The following DACT2 variants were observed in gnomAD, a reference collection of about 807,000 sequenced individuals.
The protein encoded by DACT2 is dishevelled binding antagonist of beta catenin 2.
DACT2 carries 20 observed loss-of-function variants against 22.2 expected under a neutral mutation model. The ratio of observed to expected loss-of-function variants is 0.90; its 90% CI spans 0.63 to 1.31. The LOEUF (loss-of-function observed/expected upper bound fraction) is 1.31. DACT2 is among the 50% of genes most tolerant of loss of function. The pLI is 0.00. For missense variants in DACT2, 1,048 were observed against 1,061.4 expected (o/e 0.99, Z 0.18); for synonymous variants, 463 against 479.8 (o/e 0.96, Z 0.46).
chr6:168,318,393 G>GT, intron 1 of DACT2, among the ~76,000 whole-genome samples: 1 of 152,260 alleles, frequency 6.6e-6, no homozygotes, highest in East Asian at 1.9e-4. Context: ...ATCCAGAAGG[G>GT]TTTGCTATGT....
At chr6:168,303,370 C>A (rs1194958979), downstream of DACT2, among the ~76,000 whole-genome samples, 2 of 152,156 alleles carry the variant, frequency 1.3e-5, no homozygotes, top group African/African-American at 4.8e-5. Flanking sequence ...GGGGGCAGAA[C>A]CCTCATGAAT....
intron 3 of DACT2, chr6:168,299,054 G>A (rs954565774): frequency 1.3e-5 from 2 of 152,198 alleles, no homozygotes; most frequent in African/African-American, 2.4e-5. Flanking sequence ...CTCAGAGTTA[G>A]TGAACATGTC....
intron 3 of DACT2, among the ~76,000 whole-genome samples, chr6:168,297,144 T>G (rs894113534): frequency 6.6e-6 from 1 of 152,162 alleles, no homozygotes; most frequent in African/African-American, 2.4e-5. Context: ...CAATACCATG[T>G]TTTGGAAGTG....
chr6:168,303,762 G>A (rs1356656327), downstream of DACT2, among the ~76,000 whole-genome samples: 1 of 151,008 alleles, frequency 6.6e-6, no homozygotes, highest in Non-Finnish European at 1.5e-5. Flanking sequence ...TTATATTCCT[G>A]AATTTGATCA....
At chr6:168,310,479 C>T (rs1779370123) in intron 2 of DACT2, 33 bp from the exon 3 acceptor site, 1 of 1,530,918 alleles carries the variant, frequency 6.5e-7, no homozygotes, top group Non-Finnish European at 8.8e-7. Flanking sequence ...GTCAGTGACC[C>T]CCATCCAGAA....
At position 168,310,168 on chromosome 6, in the gene DACT2, C is replaced by T. The variant is rs1025193145; in HGVS notation, c.658G>A (p.Gly220Ser). 8 of 1,549,342 alleles carry T rather than the reference C, an allele frequency of 5.2e-6. No homozygotes were observed. The South Asian group carries it at 9.5e-5, about 18-fold the overall frequency. The stretch of plus-strand genomic sequence containing the variant: ...CCCACCTTCCCTGGCAGTTTCTTAC[C>T]TGTAGACACAGGCCTGGGCCAGAAT... Reference protein sequence around the residue: ...GTFWPRPVSTGDLDRALPADT... With the variant: ...GTFWPRPVSTSDLDRALPADT... Residue 220 changes from glycine (G) to serine (S), a missense_variant and splice_region_variant, in exon 3 of 4, where the codon GGT (glycine) becomes AGT (serine). Physicochemically the swap from Gly to Ser is moderately conservative, Grantham distance 56 (BLOSUM62 0). Transcript: ENST00000366795.
At chr6:168,294,559 GTATGTGTGTGTGTGTGTGTA>G (rs1778972378) in intron 4 of DACT2, 1 of 657,858 alleles carries the variant, frequency 1.5e-6, no homozygotes, top group Non-Finnish European at 2.0e-6. Context: ...GTGTGTGTGT[GTATGTGTGTGTGTGTGTGTA>G]TATATATATA....
intron 3 of DACT2, among the ~76,000 whole-genome samples, chr6:168,309,624 G>C (rs1042444504): frequency 1.3e-5 from 2 of 152,228 alleles, no homozygotes; most frequent in African/African-American, 4.8e-5. Flanking sequence ...GGAGCCCCAA[G>C]GGAGGCCAGG....
In DACT2 at chr6:168,307,528, G is replaced by A. The variant is rs1395859008; in HGVS notation, c.2229C>T (p.Pro743=). The change falls in exon 4 of 4, where the codon CCC becomes CCT. Residue 743 remains proline (P), a synonymous_variant. Coordinates refer to ENST00000366795, the MANE Select transcript of DACT2 (RefSeq NM_214462.5). The surrounding 1 kb of genome is among the most constrained non-coding windows in gnomAD (Gnocchi z 5.3). ...CCTTAATACGGCACAGCTTGGGCAC[G>A]GGGGACAGGAGTGGCCCCGAGCTGA... ...APVSSGPLLS[P]VPKLCRIKAS... is the part of the protein sequence containing the mutation. The A allele has an allele frequency of 9.7e-6, 15 of 1,551,398 alleles. No individual in the cohort carries two copies. The highest frequency in any genetic ancestry group is 1.7e-4 in the Middle Eastern group (1 of 6,014).
downstream of DACT2, among the ~76,000 whole-genome samples, chr6:168,304,336 G>A (rs1779161785): frequency 6.6e-6 from 1 of 152,238 alleles, no homozygotes; most frequent in Admixed American, 6.5e-5. Flanking sequence ...TCCTCTTTCT[G>A]CGCGCCTGCC....
chr6:168,307,243 C>G lies in DACT2; in HGVS notation c.*189G>C, dbSNP rs1779230413. ...TGAAACCAGAGCTCCGCATGGAAGT[C>G]TTTGCTGGGGCGGGGACTCACGGCC... On this transcript the variant is annotated 3_prime_UTR_variant, in exon 4 of 4. Coordinates refer to ENST00000366795, the MANE Select transcript of DACT2 (RefSeq NM_214462.5). This position sits in a 1 kb window ranked among gnomAD's most constrained non-coding sequence, Gnocchi z 5.3. 1 of 1,416,874 alleles carries G rather than the reference C, an allele frequency of 7.1e-7. No individual in the cohort carries two copies. Among genetic ancestry groups the G allele is most frequent in the African/African-American group, 1.5e-5 (1 of 66,670 alleles). 87.8% of individuals were successfully genotyped at this position (1,416,874 alleles called of 1,614,324 possible).
intron 3 of DACT2, chr6:168,298,337 C>A (rs572493445): frequency 3.3e-5 from 5 of 152,160 alleles, no homozygotes; most frequent in South Asian, 2.1e-4. Flanking sequence ...ATCCATTTGG[C>A]GAGGGCATGA....
In DACT2 at chr6:168,307,854, C is replaced by T. The variant is rs891421097; in HGVS notation, c.1903G>A (p.Val635Met). 9 of 1,537,958 alleles carry T rather than the reference C, an allele frequency of 5.9e-6. No homozygotes were observed. The highest frequency in any genetic ancestry group is 4.9e-5 in the East Asian group (2 of 40,804). ...AGTGGGCCACCTGCTCTCCTGGCCA[C>T]GGGCCTGGGGGGCCCCAGGTTAGAC... ...PESNLGPPRP[V>M]ARRAGGPLAR... Residue 635 changes from valine (V) to methionine (M), a missense_variant, in exon 4 of 4, where the codon GTG becomes ATG. Physicochemically the swap from Val to Met is conservative, Grantham distance 21. Transcript: ENST00000366795. The surrounding 1 kb of genome is among the most constrained non-coding windows in gnomAD (Gnocchi z 5.3).
At chr6:168,299,696 G>C (rs766962422) in intron 3 of DACT2, 1 of 152,226 alleles carries the variant, frequency 6.6e-6, no homozygotes, top group South Asian at 2.1e-4. Context: ...CGAACTCAGC[G>C]AACCGAGTCC....
intron 1 of DACT2, among the ~76,000 whole-genome samples, chr6:168,314,566 C>T (rs1378144974): frequency 3.3e-5 from 5 of 152,170 alleles, no homozygotes; most frequent in African/African-American, 1.2e-4. Context: ...TAAGTTAATC[C>T]CTTTCTTTGC....
chr6:168,312,954 A>G (rs1779456701), intron 1 of DACT2, among the ~76,000 whole-genome samples: 1 of 152,330 alleles, frequency 6.6e-6, no homozygotes, highest in Non-Finnish European at 1.5e-5. Context: ...GACCCAGCAC[A>G]CAGCTTCTGT....
rs1485858003 is a variant in DACT2, at chr6:168,310,319, G to A, written c.507C>T (p.Pro169=). 6.4e-7 allele frequency: 1 copy of A among 1,551,602 alleles called. No homozygotes were observed. Among genetic ancestry groups the A allele is most frequent in the Middle Eastern group, 1.7e-4 (1 of 5,990 alleles). Reference sequence around the variant, plus strand: ...ACCGGGGCCTCCAGTCCCCCATGCTGGGCCTGGCCTTGTGGGCCTGGGCCA... The same window carrying A: ...ACCGGGGCCTCCAGTCCCCCATGCTAGGCCTGGCCTTGTGGGCCTGGGCCA... ...LPVAQAHKAR[P]SMGDWRPRSV... is the part of the protein sequence containing the mutation. Residue 169 remains proline, a synonymous_variant, in exon 3 of 4, where the codon CCC becomes CCT. Coordinates refer to ENST00000366795, the MANE Select transcript of DACT2 (RefSeq NM_214462.5).
intron 2 of DACT2, among the ~76,000 whole-genome samples, 157 bp downstream of exon 2, chr6:168,310,991 CCTAA>C (rs1779382799): frequency 6.6e-6 from 1 of 152,218 alleles, no homozygotes; most frequent in Non-Finnish European, 1.5e-5. Flanking sequence ...AGTGTTGCCT[CCTAA>C]CTTTCAGATC....
Position 168,307,894 on chromosome 6 carries a change from C to G in DACT2, c.1863G>C (p.Leu621=). The G allele has an allele frequency of 2.7e-6, 4 of 1,464,686 alleles. No individual in the cohort carries two copies. The highest frequency in any genetic ancestry group is 3.6e-6 in the Non-Finnish European group (4 of 1,111,652). The allele number at this position is 1,464,686 out of a possible 1,614,324, so 90.7% of individuals were successfully genotyped here. A position where few individuals can be genotyped will look rare whatever the true frequency, so the allele number is the denominator to read the frequency against. Residue 621 remains leucine (L), a synonymous_variant, in exon 4 of 4, where the codon CTG becomes CTC. Transcript: ENST00000366795. This position sits in a 1 kb window ranked among gnomAD's most constrained non-coding sequence, Gnocchi z 5.3. ...STVEISARAR[L]ASCPESNLGP... is the part of the protein sequence containing the mutation. Reference sequence around the variant, plus strand: ...CCAGGTTAGACTCAGGACAGCTGGCCAGGCGGGCCCGGGCCGAGATCTCCA... The same window carrying G: ...CCAGGTTAGACTCAGGACAGCTGGCGAGGCGGGCCCGGGCCGAGATCTCCA...
Sources: allele counts gnomAD v4.1 joint callset (sites outside exome capture counted in the v4.1 genomes callset), GRCh38; gene constraint gnomAD v4.1.1; non-coding constraint Gnocchi (gnomAD v3.1); transcripts MANE v1.5; gene names NCBI Gene and HGNC (gene_info 2026-07-23, HGNC 2026-07-21).